Variants in TESK1 observed in about 807,000 individuals in gnomAD.
TESK1 encodes the protein dual specificity testis-specific protein kinase 1.
Under a neutral mutation model 59.9 loss-of-function variants are expected in TESK1, and 18 were observed. The observed-to-expected ratio is 0.30, with a 90% CI of 0.21 to 0.45. The LOEUF (loss-of-function observed/expected upper bound fraction) is 0.45, where lower values mean the gene tolerates loss of function less well. TESK1 is among the 20% of genes least tolerant of loss of function. The probability of loss-of-function intolerance (pLI) is 1.00; values close to 1 mark genes in which losing one functional copy is unlikely to be tolerated. For synonymous variants in TESK1, 341 were observed against 357.4 expected (o/e 0.95, Z 0.52); for missense variants, 748 against 840.9 (o/e 0.89, Z 1.37).
Position 35,608,991 on chromosome 9 carries a change from G to A in TESK1, c.1130G>A (p.Arg377Gln), listed in dbSNP as rs1482740822. 2.5e-6 allele frequency: 4 copies of A among 1,614,156 alleles called. No homozygotes were observed. The highest frequency in any genetic ancestry group is 1.1e-5 in the South Asian group (1 of 91,088). Residue 377 changes from arginine to glutamine, a missense_variant, in exon 10 of 10, where the codon CGA becomes CAA. Arg to Gln is a conservative substitution (Grantham distance 43). Transcript: ENST00000336395. ...SPPNWGDNLTRVNPFSLREDL... is the reference protein window; with the variant it reads ...SPPNWGDNLTQVNPFSLREDL... ...CCCAACTGGGGGGACAATCTGACTC[G>A]AGTCAACCCCTTCTCACTACGGGAA...
Position 35,609,981 on chromosome 9 carries a change from A to G in TESK1, c.*239A>G, listed in dbSNP as rs1337451960. On this transcript the variant is annotated 3_prime_UTR_variant, in exon 10 of 10. Coordinates refer to ENST00000336395, the MANE Select transcript of TESK1 (RefSeq NM_006285.3). This position sits in a 1 kb window ranked among gnomAD's most constrained non-coding sequence, Gnocchi z 6.7. ...CTGACACATGAGACTAACACGTGCA[A>G]TTATTTAAAAAGATTTCAATAAAAC... 6.2e-6 allele frequency: 3 copies of G among 480,300 alleles called. No homozygotes were observed. Among genetic ancestry groups the G allele is most frequent in the East Asian group, 3.4e-5 (1 of 29,344 alleles). 29.8% of individuals were successfully genotyped at this position (480,300 alleles called of 1,614,324 possible).
chr9:35,607,475 C>T lies in TESK1; in HGVS notation c.620+66C>T. The T allele has an allele frequency of 6.3e-7, 1 of 1,599,890 alleles. No individual in the cohort carries two copies. The highest frequency in any genetic ancestry group is 8.6e-7 in the Non-Finnish European group (1 of 1,167,316). The stretch of plus-strand genomic sequence containing the variant: ...GCCCCTATCTGATGTCCCCAGAGCC[C>T]CAGGGATGTTTCCCTTGGGGAACGG... On this transcript the variant is annotated intron_variant, in intron 5 of 9. Transcript: ENST00000336395. The surrounding 1 kb of genome is among the most constrained non-coding windows in gnomAD (Gnocchi z 4.5).
In TESK1 at chr9:35,607,903, C is replaced by G; in HGVS notation, c.712-25C>G. ...GAAATGAAAACTGTTAATTCTTCCCCGACACTATTATCTCTGACCCCCAGG... is the reference window on the plus strand; with the variant it reads ...GAAATGAAAACTGTTAATTCTTCCCGGACACTATTATCTCTGACCCCCAGG... On this transcript the variant is annotated intron_variant, in intron 6 of 9. Coordinates refer to ENST00000336395, the MANE Select transcript of TESK1 (RefSeq NM_006285.3). The surrounding 1 kb of genome is among the most constrained non-coding windows in gnomAD (Gnocchi z 4.5). 1 of 1,610,176 alleles carries G rather than the reference C, an allele frequency of 6.2e-7. No individual in the cohort carries two copies. Among genetic ancestry groups the G allele is most frequent in the Non-Finnish European group, 8.5e-7 (1 of 1,178,036 alleles).
At position 35,605,727 on chromosome 9, in the gene TESK1, C is replaced by G. The variant is rs772320098; in HGVS notation, c.108C>G (p.Gly36=). The part of the protein sequence containing the change: ...PGGTGGGPGR[G]RPSSYRALRS... ...GCACGGGCGGAGGCCCGGGCCGGGGCCGCCCCTCCTCCTACCGGGCTCTCC... is the reference window on the plus strand; with the variant it reads ...GCACGGGCGGAGGCCCGGGCCGGGGGCGCCCCTCCTCCTACCGGGCTCTCC... The change falls in exon 1 of 10, where the codon GGC becomes GGG. Residue 36 remains glycine (G), a synonymous_variant. Coordinates refer to ENST00000336395, the MANE Select transcript of TESK1 (RefSeq NM_006285.3). 6.4e-7 allele frequency: 1 copy of G among 1,572,350 alleles called. No homozygotes were observed. Among genetic ancestry groups the G allele is most frequent in the African/African-American group, 1.4e-5 (1 of 73,320 alleles).
chr9:35,608,111 G>C (rs747483760), intron 7 of TESK1, 49 bp from the exon 8 acceptor site: 2 of 1,610,528 alleles, frequency 1.2e-6, no homozygotes, highest in Non-Finnish European at 1.7e-6. Flanking sequence ...GGAGCAGAAG[G>C]AGAACCCAAG....
rs1215062086 is a variant in TESK1, at chr9:35,607,062, A to G, written c.537+79A>G. 4 of 1,467,638 alleles carry G rather than the reference A, an allele frequency of 2.7e-6. No homozygotes were observed. Among genetic ancestry groups the G allele is most frequent in the African/African-American group, 1.4e-5 (1 of 70,852 alleles). The allele number at this position is 1,467,638 out of a possible 1,614,324, so 90.9% of individuals were successfully genotyped here. ...GTAACTGGCCTGTGGATGTTGGAAT[A>G]TGGATAACAGATATATTAGGATGTT... On this transcript the variant is annotated intron_variant, in intron 4 of 9. Coordinates refer to ENST00000336395, the MANE Select transcript of TESK1 (RefSeq NM_006285.3). The surrounding 1 kb of genome is among the most constrained non-coding windows in gnomAD (Gnocchi z 4.5).
In TESK1 at chr9:35,607,537, T is replaced by A. The variant is rs1822874349; in HGVS notation, c.621-45T>A. 1 of 1,585,046 alleles carries A rather than the reference T, an allele frequency of 6.3e-7. No individual in the cohort carries two copies. Among genetic ancestry groups the A allele is most frequent in the Non-Finnish European group, 8.7e-7 (1 of 1,154,238 alleles). On this transcript the variant is annotated intron_variant, in intron 5 of 9. Transcript: ENST00000336395. This position sits in a 1 kb window ranked among gnomAD's most constrained non-coding sequence, Gnocchi z 4.5. The stretch of plus-strand genomic sequence containing the variant: ...CTCATCCCCTTTTGCCTGGGGGGGA[T>A]GCCTGAATAGGATGCTTCTGACCAC...
chr9:35,609,534 C>T lies in TESK1; in HGVS notation c.1673C>T (p.Ala558Val). 1 of 1,612,002 alleles carries T rather than the reference C, an allele frequency of 6.2e-7. No homozygotes were observed. The highest frequency in any genetic ancestry group is 8.5e-7 in the Non-Finnish European group (1 of 1,178,886). Residue 558 changes from alanine to valine, a missense_variant, in exon 10 of 10, where the codon GCT becomes GTT. Around this residue, in one of 3 missense-constraint regions of TESK1, gnomAD observed 447 missense variants for 466.1 expected, o/e 0.96. Coordinates refer to ENST00000336395, the MANE Select transcript of TESK1 (RefSeq NM_006285.3). The surrounding 1 kb of genome is among the most constrained non-coding windows in gnomAD (Gnocchi z 6.7). ...ERTEPSPPPS[A>V]PREPDEGLPC... is the part of the protein sequence containing the mutation. ...ACAGAACCCTCGCCACCCCCTTCAG[C>T]TCCCCGGGAGCCCGATGAGGGGCTG...
Position 35,606,246 on chromosome 9 carries a change from A to C in TESK1, c.351A>C (p.Gly117=). The C allele has an allele frequency of 1.2e-6, 2 of 1,614,084 alleles. No homozygotes were observed. The change falls in exon 3 of 10, where the codon GGA becomes GGC. Residue 117 remains glycine, a synonymous_variant. Coordinates refer to ENST00000336395, the MANE Select transcript of TESK1 (RefSeq NM_006285.3). ...CCCCATCCTCTTGCAGGTTCATGGGAGTCTGTGTGCACCAGGGACAGCTGC... is the reference window on the plus strand; with the variant it reads ...CCCCATCCTCTTGCAGGTTCATGGGCGTCTGTGTGCACCAGGGACAGCTGC... ...LRHPNILRFM[G]VCVHQGQLHA... is the part of the protein sequence containing the mutation.
Position 35,608,239 on chromosome 9 carries a change from A to G in TESK1, c.875A>G (p.His292Arg), listed in dbSNP as rs748673707. Residue 292 changes from histidine to arginine, a missense_variant, in exon 8 of 10, where the codon CAC becomes CGC. Coordinates refer to ENST00000336395, the MANE Select transcript of TESK1 (RefSeq NM_006285.3). ...CTGCCTTTCTTGCTCCTGGCCATCC[A>G]CTGCTGCAACGTAAGAGCCTCACAC... The part of the protein sequence containing the change: ...CPLPFLLLAI[H>R]CCNLEPSTRA... The G allele has an allele frequency of 5.6e-6, 9 of 1,613,936 alleles. No individual in the cohort carries two copies. The highest frequency in any genetic ancestry group is 1.1e-5 in the South Asian group (1 of 91,076).
At chr9:35,606,732 CT>C (rs1822857068) in intron 3 of TESK1, 104 bp from the exon 4 acceptor site, 1 of 1,222,360 alleles carries the variant, frequency 8.2e-7, no homozygotes, top group Non-Finnish European at 1.1e-6. Flanking sequence ...AGTCTTACCC[CT>C]ATGACCTCTG....
chr9:35,607,916 T>C lies in TESK1; in HGVS notation c.712-12T>C. ...TTAATTCTTCCCCGACACTATTATC[T>C]CTGACCCCCAGGCTGATGTCTTTGC... On this transcript the variant is annotated splice_polypyrimidine_tract_variant and intron_variant, in intron 6 of 9. Transcript: ENST00000336395. This position sits in a 1 kb window ranked among gnomAD's most constrained non-coding sequence, Gnocchi z 4.5. 1.2e-6 allele frequency: 2 copies of C among 1,613,612 alleles called. No individual in the cohort carries two copies.
At position 35,608,152 on chromosome 9, in the gene TESK1, C is replaced by G. The variant is rs1023852947; in HGVS notation, c.796-8C>G. 18 of 1,613,792 alleles carry G rather than the reference C, an allele frequency of 1.1e-5. No individual in the cohort carries two copies. Among genetic ancestry groups the G allele is most frequent in the Non-Finnish European group, 1.5e-5 (18 of 1,179,872 alleles). The stretch of plus-strand genomic sequence containing the variant: ...CTGACTTGGAGGTCCCTCCTTCTGT[C>G]CCCACAGGACTTTGGCCTGGATGTG... On this transcript the variant is annotated splice_polypyrimidine_tract_variant and splice_region_variant and intron_variant, in intron 7 of 9. Transcript: ENST00000336395.
Position 35,605,437 on chromosome 9 carries a change from CGGGCCCA to C in TESK1, c.-181_-175del. The C allele has an allele frequency of 9.6e-6, 2 of 208,214 alleles. No individual in the cohort carries two copies. Among genetic ancestry groups the C allele is most frequent in the Non-Finnish European group, 1.9e-5 (2 of 106,374 alleles). The allele number at this position is 208,214 out of a possible 1,614,324, so 12.9% of individuals were successfully genotyped here. A position where few individuals can be genotyped will look rare whatever the true frequency, so the allele number is the denominator to read the frequency against. On this transcript the variant is annotated 5_prime_UTR_variant, in exon 1 of 10. Transcript: ENST00000336395. ...GGAGCGGAGCGGCGCGGCGTCCACC[CGGGCCCA>C]GCCAGCCGGCGCGGCGGGGGCGGGT... is the stretch of plus-strand genomic sequence containing the variant.
Position 35,605,581 on chromosome 9 carries a change from C to A in TESK1, c.-39C>A. The A allele has an allele frequency of 1.4e-6, 1 of 696,920 alleles. No homozygotes were observed. The highest frequency in any genetic ancestry group is 1.9e-6 in the Non-Finnish European group (1 of 517,986). 43.2% of individuals were successfully genotyped at this position (696,920 alleles called of 1,614,324 possible). On this transcript the variant is annotated 5_prime_UTR_variant, in exon 1 of 10. Coordinates refer to ENST00000336395, the MANE Select transcript of TESK1 (RefSeq NM_006285.3). ...GCGCGGCCTGCCCGGGCCCTGGGGA[C>A]CCTGCCATGTGAGGCAGGCCCGGGC...
chr9:35,605,547 C>A lies in TESK1; in HGVS notation c.-73C>A. On this transcript the variant is annotated 5_prime_UTR_variant, in exon 1 of 10. Transcript: ENST00000336395. ...GCCCGGGATCGGGCTGGGCCCGCGC[C>A]CATGGCAAGCGCGGCCTGCCCGGGC... 2.5e-6 allele frequency: 1 copy of A among 395,484 alleles called. No homozygotes were observed. The highest frequency in any genetic ancestry group is 4.0e-6 in the Non-Finnish European group (1 of 250,166). 24.5% of individuals were successfully genotyped at this position (395,484 alleles called of 1,614,324 possible). A position where few individuals can be genotyped will look rare whatever the true frequency, so the allele number is the denominator to read the frequency against.
Position 35,609,284 on chromosome 9 carries a change from C to T in TESK1, c.1423C>T (p.Pro475Ser), listed in dbSNP as rs1384568335. 2 of 1,614,064 alleles carry T rather than the reference C, an allele frequency of 1.2e-6. No homozygotes were observed. The highest frequency in any genetic ancestry group is 1.1e-5 in the South Asian group (1 of 91,084). Residue 475 changes from proline (P) to serine (S), a missense_variant, in exon 10 of 10, where the codon CCT (proline) becomes TCT (serine). Pro to Ser is a moderately conservative substitution (Grantham distance 74, BLOSUM62 -1). Around this residue, in one of 3 missense-constraint regions of TESK1, gnomAD observed 447 missense variants for 466.1 expected, o/e 0.96. Coordinates refer to ENST00000336395, the MANE Select transcript of TESK1 (RefSeq NM_006285.3). The surrounding 1 kb of genome is among the most constrained non-coding windows in gnomAD (Gnocchi z 6.7). The part of the protein sequence containing the change: ...EEKMECEGSS[P>S]EPEPPGPAPQ... ...GAAGATGGAGTGCGAGGGCAGCAGC[C>T]CTGAGCCGGAACCTCCAGGGCCAGC...
At position 35,607,002 on chromosome 9, in the gene TESK1, TG is replaced by T; in HGVS notation, c.537+21del. On this transcript the variant is annotated intron_variant, in intron 4 of 9. Coordinates refer to ENST00000336395, the MANE Select transcript of TESK1 (RefSeq NM_006285.3). This position sits in a 1 kb window ranked among gnomAD's most constrained non-coding sequence, Gnocchi z 4.5. ...ATCCAAGGTAGGCTAGCAGGGTGGG[TG>T]GAGACATGAAAGAGGGTTTGAGGCT... 6.4e-7 allele frequency: 1 copy of T among 1,565,682 alleles called. No individual in the cohort carries two copies.
chr9:35,608,733 T>G, intron 9 of TESK1, 129 bp from the exon 10 acceptor site: 2 of 1,177,448 alleles, frequency 1.7e-6, no homozygotes, highest in Non-Finnish European at 2.4e-6. Context: ...ACATCACCCC[T>G]TTCCAAAGCA....
Sources: allele counts gnomAD v4.1 joint callset, GRCh38; gene constraint gnomAD v4.1.1; regional missense constraint gnomAD v4.1.1; non-coding constraint Gnocchi (gnomAD v3.1); transcripts MANE v1.5; gene names NCBI Gene and HGNC (gene_info 2026-07-23, HGNC 2026-07-21).